SPEF2: variants seen among roughly 807,000 people sequenced by gnomAD.
SPEF2 encodes sperm flagella and cilia-associated protein 2.
In SPEF2, 187 loss-of-function variants were observed where a neutral mutation model predicts 224.6. The observed-to-expected ratio is 0.83, with a 90% CI of 0.74 to 0.94. The LOEUF (loss-of-function observed/expected upper bound fraction) is 0.94. SPEF2 is among the 40% of genes least tolerant of loss of function. The pLI is 0.00. For synonymous variants in SPEF2, 715 were observed against 707.3 expected (o/e 1.01, Z -0.17); for missense variants, 2,170 against 2,135.6 (o/e 1.02, Z -0.32).
chr5:35,757,096 T>C (rs922731877), intron 24 of SPEF2, among the ~76,000 whole-genome samples: 1 of 87,308 alleles, frequency 1.1e-5, no homozygotes, highest in African/African-American at 2.9e-5. Context: ...TATTGTTTAC[T>C]AGTTATCATA....
Position 35,776,325 on chromosome 5 carries a change from A to G in SPEF2, c.4147A>G (p.Thr1383Ala). ...KALALLEDLV[T>A]KVVDVYKLME... ...ATTGGCTCTTCTTGAAGATTTAGTA[A>G]CAAAGGTGGTTGATGTATATAAACT... The change falls in exon 29 of 37, where the codon ACA becomes GCA. Residue 1383 changes from threonine (T) to alanine (A), a missense_variant. Thr to Ala is a moderately conservative substitution (Grantham distance 58, BLOSUM62 0). Transcript: ENST00000356031. The G allele has an allele frequency of 6.2e-7, 1 of 1,612,968 alleles. No homozygotes were observed. Among genetic ancestry groups the G allele is most frequent in the Non-Finnish European group, 8.5e-7 (1 of 1,179,506 alleles).
chr5:35,765,860 T>C (rs1378240140), intron 26 of SPEF2, among the ~76,000 whole-genome samples: 1 of 152,162 alleles, frequency 6.6e-6, no homozygotes, highest in Non-Finnish European at 1.5e-5. Context: ...ATGAATTGTA[T>C]TCTCAAATGC....
At chr5:35,807,607 C>T in intron 36 of SPEF2, 1 of 1,519,576 alleles carries the variant, frequency 6.6e-7, no homozygotes, top group South Asian at 1.2e-5. Flanking sequence ...CAGCCAAGTG[C>T]TGACATATTC....
Position 35,773,992 on chromosome 5 carries a change from A to C in SPEF2, c.4049A>C (p.Glu1350Ala). The C allele has an allele frequency of 1.9e-6, 3 of 1,613,150 alleles. No homozygotes were observed. The highest frequency in any genetic ancestry group is 2.5e-6 in the Non-Finnish European group (3 of 1,179,490). Residue 1350 changes from glutamate (E) to alanine (A), a missense_variant, in exon 28 of 37, where the codon GAA (glutamate) becomes GCA (alanine). By Grantham distance (107) the Glu-to-Ala change is moderately radical. Coordinates refer to ENST00000356031, the MANE Select transcript of SPEF2 (RefSeq NM_024867.4). ...AATGAACTGAGGGTCAAAATAAAAG[A>C]AGAACACCTTGCTGCCTTGCAATTT... ...RKNELRVKIK[E>A]EHLAALQFEE... is the part of the protein sequence containing the mutation.
intron 2 of SPEF2, chr5:35,633,147 C>G (rs901710233): frequency 1.3e-5 from 2 of 152,070 alleles, no homozygotes; most frequent in African/African-American, 4.8e-5. Flanking sequence ...TCTGTGAGGT[C>G]CAGTTGGTTT....
At chr5:35,686,741 C>T (rs1460348167) in intron 10 of SPEF2, among the ~76,000 whole-genome samples, 2 of 152,198 alleles carry the variant, frequency 1.3e-5, no homozygotes, top group East Asian at 1.9e-4. Flanking sequence ...TTTATAAACT[C>T]ATTGGCCATT....
At position 35,807,639 on chromosome 5, in the gene SPEF2, G is replaced by T. The variant is rs564475209; in HGVS notation, c.5379+386G>T. On this transcript the variant is annotated intron_variant, in intron 36 of 36. Coordinates refer to ENST00000356031, the MANE Select transcript of SPEF2 (RefSeq NM_024867.4). ...ATTCATTGTACTCTAATCACGCAAGGTACACATCATCTATGTAGTGGAAAT... is the reference window on the plus strand; with the variant it reads ...ATTCATTGTACTCTAATCACGCAAGTTACACATCATCTATGTAGTGGAAAT... 9.1e-6 allele frequency: 14 copies of T among 1,535,410 alleles called. No homozygotes were observed. In the East Asian group the frequency reaches 2.9e-4, roughly 32 times the overall value.
chr5:35,717,731 C>A (rs1488290256), intron 20 of SPEF2, among the ~76,000 whole-genome samples: 2 of 152,150 alleles, frequency 1.3e-5, no homozygotes, highest in Non-Finnish European at 2.9e-5. Context: ...TCCTCCCCAC[C>A]GCAAATGATG....
intron 24 of SPEF2, among the ~76,000 whole-genome samples, chr5:35,756,041 T>G (rs1750390123): frequency 6.6e-6 from 1 of 152,234 alleles, no homozygotes; most frequent in African/African-American, 2.4e-5. Flanking sequence ...TTCCATAGTT[T>G]GTTACCCACA....
At chr5:35,786,042 A>C (rs911432665) in intron 30 of SPEF2, among the ~76,000 whole-genome samples, 7 of 152,202 alleles carry the variant, frequency 4.6e-5, no homozygotes, top group Non-Finnish European at 1.0e-4. Flanking sequence ...CATGCTGCTG[A>C]ATGATCTAGC....
intron 20 of SPEF2, among the ~76,000 whole-genome samples, chr5:35,715,444 A>C (rs1386411398): frequency 6.6e-6 from 1 of 152,092 alleles, no homozygotes; most frequent in Non-Finnish European, 1.5e-5. Flanking sequence ...TATACCAATA[A>C]TAACCTGGTA....
intron 23 of SPEF2, among the ~76,000 whole-genome samples, chr5:35,749,694 A>T (rs1442640117): frequency 2.6e-5 from 4 of 152,148 alleles, no homozygotes; most frequent in Non-Finnish European, 5.9e-5. Context: ...CTGCTGAAAA[A>T]AATCATAAAT....
chr5:35,671,973 T>C (rs1033594709), intron 10 of SPEF2, among the ~76,000 whole-genome samples: 4 of 151,968 alleles, frequency 2.6e-5, no homozygotes, highest in Admixed American at 1.3e-4. Flanking sequence ...TGTAAACTAT[T>C]ATACTATCAT....
chr5:35,811,170 C>G (rs1758509725), intron 36 of SPEF2, among the ~76,000 whole-genome samples: 3 of 151,794 alleles, frequency 2.0e-5, no homozygotes, highest in Admixed American at 2.0e-4. Context: ...AAGACTCAAA[C>G]CACTGCACTC....
intron 30 of SPEF2, among the ~76,000 whole-genome samples, chr5:35,786,893 A>T (rs544172797): frequency 1.3e-5 from 2 of 152,374 alleles, no homozygotes; most frequent in East Asian, 3.9e-4. Flanking sequence ...CCCTAGAACC[A>T]TAAAGTATTG....
At chr5:35,751,754 T>C (rs962990677) in intron 23 of SPEF2, among the ~76,000 whole-genome samples, 1 of 152,194 alleles carries the variant, frequency 6.6e-6, no homozygotes, top group African/African-American at 2.4e-5. Context: ...AAATTCACTG[T>C]AGGCATTAAA....
rs562740117 is a variant in SPEF2, at chr5:35,760,087, C to A, written c.3620+368C>A. On this transcript the variant is annotated intron_variant, in intron 25 of 36. Transcript: ENST00000356031. ...TAAGAAATTATGAACCTCCGCCAGG[C>A]GCGGTGGCTCACACCTGTAATCCCA... 1.0e-3 allele frequency among the ~76,000 whole-genome samples: 158 copies of A among 152,208 alleles called. 1 individual carries two copies. The highest frequency in any genetic ancestry group is 2.7e-3 in the Admixed American group (41 of 15,282).
intron 34 of SPEF2, among the ~76,000 whole-genome samples, chr5:35,805,279 TAC>T (rs1245218545): frequency 6.6e-6 from 1 of 152,152 alleles, no homozygotes; most frequent in East Asian, 1.9e-4. Context: ...AAAGTGACCA[TAC>T]AGAGCTATAG....
rs201683999 is a variant in SPEF2, at chr5:35,667,268, T to G, written c.1355+9T>G. 2.5e-6 allele frequency: 4 copies of G among 1,590,082 alleles called. No individual in the cohort carries two copies. Among genetic ancestry groups the G allele is most frequent in the Non-Finnish European group, 2.6e-6 (3 of 1,166,036 alleles). On this transcript the variant is annotated intron_variant, in intron 9 of 36. Coordinates refer to ENST00000356031, the MANE Select transcript of SPEF2 (RefSeq NM_024867.4). ...CGAATGTTGACAAATAAGTAAGTATTTTTTTTGTAATAACAGTAGAGACAC... is the reference window on the plus strand; with the variant it reads ...CGAATGTTGACAAATAAGTAAGTATGTTTTTTGTAATAACAGTAGAGACAC...
Sources: gnomAD v4.1 joint callset for allele counts (sites outside exome capture counted in the v4.1 genomes callset) on GRCh38, gnomAD v4.1.1 for gene constraint, MANE v1.5 for transcripts, NCBI Gene and HGNC (gene_info 2026-07-23, HGNC 2026-07-21) for gene names.